The following SLC16A9 variants were observed in gnomAD, a reference collection of about 807,000 sequenced individuals.
SLC16A9 encodes the protein solute carrier family 16 member 9.
A neutral mutation model predicts 44.3 loss-of-function variants in SLC16A9; 26 were observed. That is an observed-to-expected ratio of 0.59 (90% CI 0.43 to 0.81). The LOEUF is 0.81. Ranked by LOEUF, SLC16A9 falls within the 40% of genes least tolerant of loss-of-function variation. The pLI, the probability that SLC16A9 is intolerant of heterozygous loss-of-function variation, is 0.00. For synonymous variants in SLC16A9, 230 were observed against 225.1 expected (o/e 1.02, Z -0.19); for missense variants, 559 against 595.8 (o/e 0.94, Z 0.64).
At chr10:59,689,668 C>G (rs1464237173) in intron 1 of SLC16A9, among the ~76,000 whole-genome samples, 2 of 152,084 alleles carry the variant, frequency 1.3e-5, no homozygotes, top group Non-Finnish European at 2.9e-5. Context: ...GTGAGCTAAC[C>G]CAGTAAATTA....
chr10:59,688,982 T>C (rs1588987849), intron 1 of SLC16A9, among the ~76,000 whole-genome samples: 1 of 152,090 alleles, frequency 6.6e-6, no homozygotes, highest in Non-Finnish European at 1.5e-5. Context: ...TGCATTGCCA[T>C]GCCCTGCCTT....
At chr10:59,659,046 G>A (rs1435484692) in intron 4 of SLC16A9, among the ~76,000 whole-genome samples, 1 of 152,054 alleles carries the variant, frequency 6.6e-6, no homozygotes, top group African/African-American at 2.4e-5. Context: ...AAAAACTCAG[G>A]AAATGTTGGC....
chr10:59,677,747 G>A (rs942912812), intron 2 of SLC16A9, among the ~76,000 whole-genome samples: 1 of 152,056 alleles, frequency 6.6e-6, no homozygotes, highest in African/African-American at 2.4e-5. Flanking sequence ...CTAAATGGAG[G>A]GAACAGAAAC....
rs1284458998 is a variant in SLC16A9 at position 59,653,608 on chromosome 10, C to T, written c.1351+67G>A. ...ATCTGTGCTACTATTACAATCTGGA[C>T]CTCTATATCTGGAGATATGACAAGG... On this transcript the variant is annotated intron_variant, in intron 5 of 5. Transcript: ENST00000395348. 5 of 1,344,986 alleles carry T rather than the reference C, an allele frequency of 3.7e-6. No individual in the cohort carries two copies. The East Asian group carries it at 1.2e-4, about 31-fold the overall frequency. The allele number at this position is 1,344,986 out of a possible 1,614,324, so 83.3% of individuals were successfully genotyped here.
At chr10:59,668,089 C>A (rs1001593885) in intron 3 of SLC16A9, among the ~76,000 whole-genome samples, 6 of 151,762 alleles carry the variant, frequency 4.0e-5, no homozygotes, top group Non-Finnish European at 5.9e-5. Flanking sequence ...TTTTTAATCT[C>A]ATCTAAAGCC....
intron 1 of SLC16A9, among the ~76,000 whole-genome samples, chr10:59,691,533 T>C (rs1003603106): frequency 7.2e-5 from 11 of 152,176 alleles, no homozygotes; most frequent in Non-Finnish European, 1.2e-4. Context: ...GAGAAGAGCA[T>C]GAAATAATAT....
chr10:59,696,224 C>T (rs1375166370), intron 1 of SLC16A9, among the ~76,000 whole-genome samples: 1 of 152,240 alleles, frequency 6.6e-6, no homozygotes, highest in Non-Finnish European at 1.5e-5. Flanking sequence ...CTGCCTCAGC[C>T]TGCCGAGTGC....
chr10:59,654,062 G>A lies in SLC16A9; in HGVS notation c.964C>T (p.Pro322Ser). The A allele has an allele frequency of 6.2e-7, 1 of 1,614,014 alleles. No homozygotes were observed. The highest frequency in any genetic ancestry group is 8.5e-7 in the Non-Finnish European group (1 of 1,180,020). Reference protein sequence around the residue: ...AILLFDIGGFPPSLLMEDVAR... With the variant: ...AILLFDIGGFSPSLLMEDVAR... ...ACATCTTCCATAAGTAATGAAGGTG[G>A]AAACCCTCCGATGTCAAAGAGTAAG... Residue 322 changes from proline to serine, a missense_variant, in exon 5 of 6, where the codon CCA becomes TCA. Physicochemically the swap from Pro to Ser is moderately conservative, Grantham distance 74 (BLOSUM62 -1). Transcript: ENST00000395348.
chr10:59,684,357 T>G, intron 1 of SLC16A9, 30 bp from the exon 2 acceptor site: 1 of 1,391,788 alleles, frequency 7.2e-7, no homozygotes, highest in African/African-American at 1.4e-5. Context: ...AAAGAGAATC[T>G]TATTTAGAGT....
At chr10:59,678,540 C>CTTTTTTTTTTTTTTT (rs1426559419) in intron 2 of SLC16A9, among the ~76,000 whole-genome samples, 30 of 22,324 alleles carry the variant, frequency 1.3e-3, no homozygotes, top group Admixed American at 1.5e-3. Context: ...TTTTCTTTTT[C>CTTTTTTTTTTTTTTT]TTTTTCTTTT....
intron 4 of SLC16A9, among the ~76,000 whole-genome samples, chr10:59,657,791 GT>G (rs1839382626): frequency 6.6e-6 from 1 of 152,120 alleles, no homozygotes; most frequent in Admixed American, 6.5e-5. Flanking sequence ...ATAACCCAAT[GT>G]GATGGGTACT....
Position 59,664,333 on chromosome 10 carries a change from G to C in SLC16A9, c.341-11C>G, listed in dbSNP as rs1162825491. On this transcript the variant is annotated splice_polypyrimidine_tract_variant and intron_variant, in intron 3 of 5. Transcript: ENST00000395348. ...AACCACATCCAAGACCTAAGCATGA[G>C]AAGACATTGCATAAATTAAGACGCT... 1 of 1,578,514 alleles carries C rather than the reference G, an allele frequency of 6.3e-7. No homozygotes were observed. Among genetic ancestry groups the C allele is most frequent in the Non-Finnish European group, 8.7e-7 (1 of 1,153,112 alleles).
At chr10:59,661,256 C>T (rs1839468427) in intron 4 of SLC16A9, among the ~76,000 whole-genome samples, 1 of 152,164 alleles carries the variant, frequency 6.6e-6, no homozygotes, top group African/African-American at 2.4e-5. Context: ...TAGAAAACCC[C>T]ATCATCTCAG....
At chr10:59,701,612 C>T (rs1429795142) in intron 1 of SLC16A9, among the ~76,000 whole-genome samples, 3 of 151,634 alleles carry the variant, frequency 2.0e-5, no homozygotes, top group Admixed American at 2.0e-4. Flanking sequence ...TTTTATAAAA[C>T]CATGTTGTGT....
chr10:59,684,411 G>T, intron 1 of SLC16A9, 84 bp from the exon 2 acceptor site: 12 of 546,968 alleles, frequency 2.2e-5, no homozygotes, highest in South Asian at 5.8e-5. Context: ...TCCTCCTAAA[G>T]TGAAAAAAAA....
intron 2 of SLC16A9, among the ~76,000 whole-genome samples, chr10:59,676,797 C>T (rs540367626): frequency 2.6e-5 from 4 of 151,944 alleles, no homozygotes; most frequent in African/African-American, 9.7e-5. Context: ...ATGACACATG[C>T]CTGTAATCCC....
At chr10:59,658,370 TC>T in intron 4 of SLC16A9, among the ~76,000 whole-genome samples, 1 of 152,008 alleles carries the variant, frequency 6.6e-6, no homozygotes, top group East Asian at 1.9e-4. Flanking sequence ...CATTTGTTAC[TC>T]ATAAAAATTC....
intron 5 of SLC16A9, 144 bp from the exon 6 acceptor site, chr10:59,653,094 G>A: frequency 8.7e-6 from 5 of 575,040 alleles, no homozygotes; most frequent in Non-Finnish European, 1.4e-5. Flanking sequence ...CTGGGAGTTA[G>A]AAGAAGAGAA....
chr10:59,696,629 G>T (rs1427176852), intron 1 of SLC16A9, among the ~76,000 whole-genome samples: 2 of 150,556 alleles, frequency 1.3e-5, no homozygotes, highest in Admixed American at 6.6e-5. Flanking sequence ...GAGCGTCTCT[G>T]CCCGGCCGCC....
Sources: gnomAD v4.1 joint callset for allele counts (sites outside exome capture counted in the v4.1 genomes callset) on GRCh38, gnomAD v4.1.1 for gene constraint, MANE v1.5 for transcripts, NCBI Gene and HGNC (gene_info 2026-07-23, HGNC 2026-07-21) for gene names.